SDK1: variants seen among roughly 807,000 people sequenced by gnomAD.
SDK1 encodes sidekick cell adhesion molecule 1.
In SDK1, 157 loss-of-function variants were observed where a neutral mutation model predicts 245.5. The ratio of observed to expected loss-of-function variants is 0.64; its 90% CI spans 0.56 to 0.73. The LOEUF (loss-of-function observed/expected upper bound fraction) is 0.73, where lower values mean the gene tolerates loss of function less well. Ranked by LOEUF, SDK1 falls within the 30% of genes least tolerant of loss-of-function variation. SDK1 has a pLI of 0.00. For missense variants in SDK1, 3,583 were observed against 3,002.3 expected (o/e 1.19, Z -4.52); for synonymous variants, 1,647 against 1,278.5 (o/e 1.29, Z -6.15).
chr7:3,843,182 C>G (rs1053482605), intron 5 of SDK1, among the ~76,000 whole-genome samples: 1 of 152,138 alleles, frequency 6.6e-6, no homozygotes, highest in African/African-American at 2.4e-5. Flanking sequence ...CAATCTTAAG[C>G]TGTAGCATGA....
At chr7:4,100,057 C>T (rs561994273) in intron 22 of SDK1, among the ~76,000 whole-genome samples, 39 of 152,304 alleles carry the variant, frequency 2.6e-4, no homozygotes, top group African/African-American at 9.4e-4. Context: ...GCCGAGGAGC[C>T]ACTGCTGCTC....
intron 44 of SDK1, among the ~76,000 whole-genome samples, chr7:4,253,602 A>T (rs1787446866): frequency 6.6e-6 from 1 of 152,128 alleles, no homozygotes. Context: ...AGAATGTGTT[A>T]TTCTGCTGTT....
intron 4 of SDK1, among the ~76,000 whole-genome samples, chr7:3,772,067 G>C (rs185237716): frequency 2.0e-5 from 3 of 152,202 alleles, no homozygotes; most frequent in African/African-American, 4.8e-5. Context: ...AAATTTGTTT[G>C]TACTGAAGCC....
intron 5 of SDK1, among the ~76,000 whole-genome samples, chr7:3,887,096 C>T (rs969304210): frequency 6.6e-6 from 1 of 152,150 alleles, no homozygotes; most frequent in Admixed American, 6.5e-5. Context: ...ACTCGGTAAT[C>T]TCAGTGGTTT....
chr7:3,345,810 G>T (rs995368266), intron 1 of SDK1, among the ~76,000 whole-genome samples: 1 of 152,158 alleles, frequency 6.6e-6, no homozygotes, highest in Non-Finnish European at 1.5e-5. Flanking sequence ...ATATTGAATA[G>T]CTTCTCGCAG....
At chr7:3,453,198 G>T (rs936010326) in intron 1 of SDK1, among the ~76,000 whole-genome samples, 1 of 152,158 alleles carries the variant, frequency 6.6e-6, no homozygotes, top group Non-Finnish European at 1.5e-5. Flanking sequence ...TCTGAGCAGA[G>T]CCAGTGCCTT....
intron 5 of SDK1, 49 bp downstream of exon 5, chr7:3,821,632 C>G (rs190961883): frequency 1.3e-6 from 2 of 1,596,144 alleles, no homozygotes; most frequent in African/African-American, 2.7e-5. Flanking sequence ...TAAAATCTTG[C>G]TTTAATCAGT....
intron 1 of SDK1, among the ~76,000 whole-genome samples, chr7:3,458,891 T>C (rs972043153): frequency 1.3e-5 from 2 of 152,210 alleles, no homozygotes; most frequent in African/African-American, 4.8e-5. Context: ...ATAGTCTTTA[T>C]GTTTGGTAAT....
chr7:3,322,046 G>A (rs1162019746), intron 1 of SDK1, among the ~76,000 whole-genome samples: 3 of 147,434 alleles, frequency 2.0e-5, no homozygotes, highest in Non-Finnish European at 4.4e-5. Context: ...ACACAGCATC[G>A]AGTGAACTAT....
chr7:3,383,496 A>C (rs1781540106), intron 1 of SDK1, among the ~76,000 whole-genome samples: 1 of 152,198 alleles, frequency 6.6e-6, no homozygotes. Flanking sequence ...GGTTTTAGCC[A>C]TCTCTTTTTG....
rs571217343 is a variant in SDK1, at chr7:3,669,809, C to A, written c.713+27704C>A. Among the ~76,000 whole-genome samples, 3 of 152,290 alleles carry A rather than the reference C, an allele frequency of 2.0e-5. No individual in the cohort carries two copies. The South Asian group carries it at 6.2e-4, about 32-fold the overall frequency. On this transcript the variant is annotated intron_variant, in intron 4 of 44. Coordinates refer to ENST00000404826, the MANE Select transcript of SDK1 (RefSeq NM_152744.4). ...TTCAACAGCCTATTCATTGTATTTTCCTGGAGTTTTTTCAAAGGTGCTTCA... is the reference window on the plus strand; with the variant it reads ...TTCAACAGCCTATTCATTGTATTTTACTGGAGTTTTTTCAAAGGTGCTTCA...
intron 1 of SDK1, among the ~76,000 whole-genome samples, chr7:3,567,137 A>C (rs987124015): frequency 1.1e-4 from 16 of 152,214 alleles, no homozygotes; most frequent in African/African-American, 3.9e-4. Flanking sequence ...CTTGTCGTGA[A>C]GTATTTACAT....
chr7:3,624,941 A>C (rs955767713), intron 2 of SDK1, among the ~76,000 whole-genome samples: 43 of 152,124 alleles, frequency 2.8e-4, no homozygotes, highest in Non-Finnish European at 2.9e-5. Flanking sequence ...GCTACTCGGG[A>C]GGCAGGAGAA....
At chr7:3,831,713 T>C (rs1423305447) in intron 5 of SDK1, among the ~76,000 whole-genome samples, 1 of 152,050 alleles carries the variant, frequency 6.6e-6, no homozygotes, top group Non-Finnish European at 1.5e-5. Context: ...AGCTGTTCAT[T>C]GGATGTCTGC....
rs570443218 is a variant in SDK1, at chr7:4,253,449, T to C, written c.6381+7644T>C. Among the ~76,000 whole-genome samples, 18 of 152,348 alleles carry C rather than the reference T, an allele frequency of 1.2e-4. No homozygotes were observed. The South Asian group carries it at 3.3e-3, about 28-fold the overall frequency. On this transcript the variant is annotated intron_variant, in intron 44 of 44. Transcript: ENST00000404826. ...ATATTTGTGAATTTCCCACATTTTC[T>C]TCTGTTATTTATTTCTAATTATATC... is the stretch of plus-strand genomic sequence containing the variant.
chr7:3,974,616 C>A, intron 13 of SDK1, 71 bp downstream of exon 13: 2 of 1,446,726 alleles, frequency 1.4e-6, no homozygotes, highest in Non-Finnish European at 1.9e-6. Flanking sequence ...TTAGTGACTG[C>A]CACTTCACAA....
At position 3,699,849 on chromosome 7, in the gene SDK1, C is replaced by T. The variant is rs28800802; in HGVS notation, c.713+57744C>T. 7.2e-4 allele frequency among the ~76,000 whole-genome samples: 110 copies of T among 152,130 alleles called. 1 individual carries two copies. The highest frequency in any genetic ancestry group is 2.6e-3 in the African/African-American group (108 of 41,518). On this transcript the variant is annotated intron_variant, in intron 4 of 44. Coordinates refer to ENST00000404826, the MANE Select transcript of SDK1 (RefSeq NM_152744.4). The stretch of plus-strand genomic sequence containing the variant: ...TGGCATTTTAAAACACATAACCTTT[C>T]AAGAAGCCGAGAGAATCCCAAGATC...
At position 3,576,790 on chromosome 7, in the gene SDK1, C is replaced by T. The variant is rs1780306447; in HGVS notation, c.299-42290C>T. Among the ~76,000 whole-genome samples, 3 of 151,954 alleles carry T rather than the reference C, an allele frequency of 2.0e-5. 1 individual carries two copies. The highest frequency in any genetic ancestry group is 4.4e-5 in the Non-Finnish European group (3 of 67,934). ...CTTCAGCATTTTGTTCCTGATGCTT[C>T]CTTGATTCAGGCAGAAGGTATTTAC... is the stretch of plus-strand genomic sequence containing the variant. On this transcript the variant is annotated intron_variant, in intron 1 of 44. Transcript: ENST00000404826.
chr7:3,633,769 T>G (rs1226149169), intron 2 of SDK1, among the ~76,000 whole-genome samples: 2 of 152,170 alleles, frequency 1.3e-5, no homozygotes, highest in Admixed American at 6.5e-5. Context: ...AAACCAACTT[T>G]CTCTTGTGTG....
Sources: gnomAD v4.1 joint callset for allele counts (sites outside exome capture counted in the v4.1 genomes callset) on GRCh38, gnomAD v4.1.1 for gene constraint, MANE v1.5 for transcripts, NCBI Gene and HGNC (gene_info 2026-07-23, HGNC 2026-07-21) for gene names.